SUCLG2: variants seen among roughly 807,000 people sequenced by gnomAD.
The protein encoded by SUCLG2 is succinate-CoA ligase GDP-forming subunit beta, also known as succinate--CoA ligase [GDP-forming] subunit beta, mitochondrial.
A neutral mutation model predicts 47.9 loss-of-function variants in SUCLG2; 42 were observed. The observed-to-expected ratio is 0.88, with a 90% CI of 0.69 to 1.14. The LOEUF is 1.14. Among genes scored for constraint, SUCLG2 ranks in the 50% most tolerant of loss-of-function variants. SUCLG2 has a pLI of 0.00. For synonymous variants in SUCLG2, 195 were observed against 197.3 expected (o/e 0.99, Z 0.10); for missense variants, 571 against 525.9 (o/e 1.09, Z -0.84).
chr3:67,581,266 C>T (rs1024489757), intron 2 of SUCLG2, among the ~76,000 whole-genome samples: 1 of 152,122 alleles, frequency 6.6e-6, no homozygotes, highest in African/African-American at 2.4e-5. Context: ...TAAGAAGGCA[C>T]AAGATCAAAA....
At chr3:67,495,678 G>T (rs1235823988) in intron 9 of SUCLG2, 120 bp downstream of exon 9, 28 of 996,990 alleles carry the variant, frequency 2.8e-5, no homozygotes, top group Non-Finnish European at 3.8e-5. Context: ...GATAGAAGTT[G>T]CATCTGGGGC....
At chr3:67,625,983 T>C (rs1458158743) in intron 1 of SUCLG2, among the ~76,000 whole-genome samples, 1 of 151,822 alleles carries the variant, frequency 6.6e-6, no homozygotes, top group Non-Finnish European at 1.5e-5. Context: ...TAGGACAGGG[T>C]TGTACCCAAA....
rs552603132 is a variant in SUCLG2 at position 67,425,664 on chromosome 3, C to G, written c.1063-24813G>C. On this transcript the variant is annotated intron_variant, in intron 9 of 10. Coordinates refer to ENST00000307227, the MANE Select transcript of SUCLG2 (RefSeq NM_003848.4). ...AGCCATTGGCTCTCTGGCTCTCAGG[C>G]CTTCAAACTATACCACCAGCCTTCC... Among the ~76,000 whole-genome samples, 15 of 152,330 alleles carry G rather than the reference C, an allele frequency of 9.8e-5. No homozygotes were observed. In the South Asian group the frequency reaches 2.7e-3, roughly 27 times the overall value.
rs377167289 is a variant in SUCLG2, at chr3:67,400,740, G to C, written c.1174C>G (p.Arg392Gly). Residue 392 changes from arginine to glycine, a missense_variant, in exon 10 of 11, where the codon CGG becomes GGG. Transcript: ENST00000307227. ...ELELKVPLVV[R>G]LEGTNVQEAQ... Reference sequence around the variant, plus strand: ...ATCTACCATGACTCACCTTCAAGCCGGACCACCAGGGGCACCTTGAGTTCT... The same window carrying C: ...ATCTACCATGACTCACCTTCAAGCCCGACCACCAGGGGCACCTTGAGTTCT... The C allele has an allele frequency of 6.2e-7, 1 of 1,611,444 alleles. No homozygotes were observed. The highest frequency in any genetic ancestry group is 8.5e-7 in the Non-Finnish European group (1 of 1,179,888).
At chr3:67,525,837 T>C (rs1706241824) in intron 4 of SUCLG2, among the ~76,000 whole-genome samples, 1 of 152,114 alleles carries the variant, frequency 6.6e-6, no homozygotes, top group South Asian at 2.1e-4. Context: ...GTTGAAAAAA[T>C]GAATATATAC....
intron 1 of SUCLG2, among the ~76,000 whole-genome samples, chr3:67,623,472 G>C (rs1279229404): frequency 1.3e-5 from 2 of 151,980 alleles, no homozygotes; most frequent in African/African-American, 2.4e-5. Flanking sequence ...CTGCACTCCA[G>C]CCTGGATGAC....
intron 2 of SUCLG2, among the ~76,000 whole-genome samples, chr3:67,558,507 C>T (rs1383022647): frequency 1.3e-5 from 2 of 152,144 alleles, no homozygotes; most frequent in African/African-American, 4.8e-5. Flanking sequence ...ACATTTGATT[C>T]CTCACTGTTC....
chr3:67,592,968 A>C (rs1708206095), intron 2 of SUCLG2, among the ~76,000 whole-genome samples: 1 of 152,214 alleles, frequency 6.6e-6, no homozygotes, highest in African/African-American at 2.4e-5. Flanking sequence ...CTATAGAAGC[A>C]AACCACTATG....
intron 10 of SUCLG2, among the ~76,000 whole-genome samples, chr3:67,382,106 A>T (rs1025920216): frequency 2.0e-5 from 3 of 152,186 alleles, no homozygotes; most frequent in African/African-American, 2.4e-5. Flanking sequence ...TCAGTTTTTT[A>T]AAAAAGAATA....
intron 1 of SUCLG2, among the ~76,000 whole-genome samples, chr3:67,628,374 T>C (rs1700871267): frequency 6.6e-6 from 1 of 152,184 alleles, no homozygotes; most frequent in Non-Finnish European, 1.5e-5. Context: ...TACCCCTATA[T>C]GCAATTGTAA....
At chr3:67,505,660 C>A (rs902073728) in intron 7 of SUCLG2, among the ~76,000 whole-genome samples, 4 of 152,080 alleles carry the variant, frequency 2.6e-5, no homozygotes, top group Non-Finnish European at 5.9e-5. Flanking sequence ...AAAAAAGTTT[C>A]CTACAAAGAG....
At chr3:67,393,187 C>G (rs969464145) in intron 10 of SUCLG2, among the ~76,000 whole-genome samples, 1 of 126,916 alleles carries the variant, frequency 7.9e-6, no homozygotes, top group African/African-American at 2.8e-5. Context: ...GTGCGTGCAG[C>G]GCACCATGCA....
At chr3:67,455,019 G>C (rs995752873) in intron 9 of SUCLG2, among the ~76,000 whole-genome samples, 4 of 150,824 alleles carry the variant, frequency 2.7e-5, no homozygotes, top group African/African-American at 7.3e-5. Flanking sequence ...CTAATATGCA[G>C]CCTGCAGTGA....
chr3:67,384,828 T>C (rs1427284455), intron 10 of SUCLG2, among the ~76,000 whole-genome samples: 2 of 152,228 alleles, frequency 1.3e-5, no homozygotes, highest in East Asian at 3.8e-4. Context: ...AGCCTCAGAA[T>C]CTTTCTTGGC....
At chr3:67,615,203 G>A (rs1700602757) in intron 1 of SUCLG2, among the ~76,000 whole-genome samples, 1 of 151,766 alleles carries the variant, frequency 6.6e-6, no homozygotes, top group South Asian at 2.1e-4. Context: ...TGGCTAAGTG[G>A]GCAAAAACTG....
intron 2 of SUCLG2, among the ~76,000 whole-genome samples, chr3:67,549,733 T>C (rs958206228): frequency 6.6e-6 from 1 of 152,168 alleles, no homozygotes; most frequent in South Asian, 2.1e-4. Context: ...TAGTGCAAAA[T>C]ATATACCACT....
At chr3:67,454,328 G>GGATA (rs1415764140) in intron 9 of SUCLG2, among the ~76,000 whole-genome samples, 1 of 152,016 alleles carries the variant, frequency 6.6e-6, no homozygotes, top group Non-Finnish European at 1.5e-5. Flanking sequence ...ACAGAGTAAA[G>GGATA]GATAGGGTTG....
intron 9 of SUCLG2, among the ~76,000 whole-genome samples, chr3:67,493,555 T>G (rs1018507617): frequency 2.0e-5 from 3 of 152,302 alleles, no homozygotes; most frequent in South Asian, 2.1e-4. Context: ...AAATTAAAAT[T>G]TGAGGTGAGC....
At chr3:67,391,157 C>A (rs919486484) in intron 10 of SUCLG2, among the ~76,000 whole-genome samples, 1 of 152,170 alleles carries the variant, frequency 6.6e-6, no homozygotes, top group Non-Finnish European at 1.5e-5. Context: ...TATCCCACCC[C>A]CTTCATTCTT....
Sources: allele counts gnomAD v4.1 joint callset (sites outside exome capture counted in the v4.1 genomes callset), GRCh38; gene constraint gnomAD v4.1.1; transcripts MANE v1.5; gene names NCBI Gene and HGNC (gene_info 2026-07-23, HGNC 2026-07-21).